HOMER2: variants seen among roughly 807,000 people sequenced by gnomAD.
The protein encoded by HOMER2 is homer protein homolog 2.
HOMER2 carries 27 observed loss-of-function variants against 47.0 expected under a neutral mutation model. That is an observed-to-expected ratio of 0.57 (90% CI 0.42 to 0.79). HOMER2 has a LOEUF of 0.79. HOMER2 is among the 30% of genes least tolerant of loss of function. HOMER2 has a pLI of 0.00. For synonymous variants in HOMER2, 161 were observed against 163.8 expected, an observed-to-expected ratio of 0.98 and a Z score of 0.13; for missense variants, 443 against 435.0, an observed-to-expected ratio of 1.02 and a Z score of -0.16.
chr15:82,979,799 G>A (rs2030329509), intron 1 of HOMER2, among the ~76,000 whole-genome samples: 1 of 152,172 alleles, frequency 6.6e-6, no homozygotes, highest in African/African-American at 2.4e-5. Flanking sequence ...AACAGGTTCA[G>A]GAAGAAAGAT....
intron 1 of HOMER2, among the ~76,000 whole-genome samples, chr15:82,976,715 T>G (rs985673691): frequency 6.6e-6 from 1 of 151,166 alleles, no homozygotes; most frequent in African/African-American, 2.4e-5. Context: ...GTTTTGCTCT[T>G]GTTGCCCAGG....
chr15:82,896,957 A>G (rs1402106262), intron 1 of HOMER2, among the ~76,000 whole-genome samples: 1 of 152,046 alleles, frequency 6.6e-6, no homozygotes, highest in African/African-American at 2.4e-5. Context: ...AACTGCAACA[A>G]TCCTACAGGG....
At chr15:82,924,313 A>C (rs1204773000) in intron 1 of HOMER2, among the ~76,000 whole-genome samples, 1 of 149,288 alleles carries the variant, frequency 6.7e-6, no homozygotes, top group African/African-American at 2.5e-5. Context: ...TAGTAAAATG[A>C]GGCTGCCAGC....
intron 1 of HOMER2, among the ~76,000 whole-genome samples, chr15:82,927,973 C>CAAAAAAAAAAAA (rs928406358): frequency 3.5e-5 from 2 of 57,328 alleles, no homozygotes; most frequent in Admixed American, 2.0e-4. Context: ...AACTCCGTCT[C>CAAAAAAAAAAAA]AAAAAAAAAA....
intron 1 of HOMER2, among the ~76,000 whole-genome samples, chr15:82,931,656 G>T (rs2151196856): frequency 6.6e-6 from 1 of 151,902 alleles, no homozygotes; most frequent in African/African-American, 2.4e-5. Flanking sequence ...GGCTAACACG[G>T]TGAAACCCCG....
chr15:82,945,963 C>G (rs1289411042), intron 1 of HOMER2, among the ~76,000 whole-genome samples: 1 of 151,426 alleles, frequency 6.6e-6, no homozygotes, highest in African/African-American at 2.4e-5. Context: ...GAGTGAGACT[C>G]TGTCTCAAAA....
intron 4 of HOMER2, among the ~76,000 whole-genome samples, chr15:82,863,545 A>G (rs2051862497): frequency 6.6e-6 from 1 of 152,114 alleles, no homozygotes; most frequent in African/African-American, 2.4e-5. Context: ...TCTCTCCTGA[A>G]GTCTCCCTTT....
intron 1 of HOMER2, among the ~76,000 whole-genome samples, chr15:82,924,037 AAG>A (rs2053798274): frequency 6.6e-6 from 1 of 152,182 alleles, no homozygotes; most frequent in African/African-American, 2.4e-5. Flanking sequence ...GAGACAGAGA[AAG>A]AGAGAACAAG....
At chr15:82,948,252 G>A (rs866193615) in intron 1 of HOMER2, among the ~76,000 whole-genome samples, 32 of 152,156 alleles carry the variant, frequency 2.1e-4, no homozygotes, top group Non-Finnish European at 3.5e-4. Context: ...TTAGCTGGGC[G>A]TGGTGGCGGG....
At chr15:82,955,171 C>CTTTTTTTTTTTTTTTTT (rs537098552), upstream of HOMER2, among the ~76,000 whole-genome samples, 3 of 133,806 alleles carry the variant, frequency 2.2e-5, no homozygotes, top group Non-Finnish European at 3.2e-5. Flanking sequence ...TTTTCTTTTT[C>CTTTTTTTTTTTTTTTTT]TTTTTTTTTT....
At chr15:82,877,179 G>A (rs745580400) in intron 2 of HOMER2, among the ~76,000 whole-genome samples, 3 of 151,974 alleles carry the variant, frequency 2.0e-5, no homozygotes, top group Non-Finnish European at 2.9e-5. Context: ...TTGTTTGTTT[G>A]ATTTTTTTGA....
intron 1 of HOMER2, among the ~76,000 whole-genome samples, chr15:82,967,943 G>C (rs532953740): frequency 1.4e-4 from 21 of 151,906 alleles, no homozygotes; most frequent in Admixed American, 2.0e-4. Context: ...TGCACAGGCA[G>C]GCCATTTAAT....
At chr15:82,965,732 G>A (rs1046300025) in intron 1 of HOMER2, among the ~76,000 whole-genome samples, 4 of 151,750 alleles carry the variant, frequency 2.6e-5, no homozygotes, top group African/African-American at 7.3e-5. Flanking sequence ...GCAGCAGAGT[G>A]CATTGGCTCC....
intron 1 of HOMER2, among the ~76,000 whole-genome samples, chr15:82,930,529 G>C (rs2053980541): frequency 6.6e-6 from 1 of 152,190 alleles, no homozygotes; most frequent in Non-Finnish European, 1.5e-5. Flanking sequence ...CCTTTTCCCT[G>C]CACAGATTCT....
At chr15:82,841,101 TA>T (rs2051171689) in exon 2 of HOMER2, 1 of 152,174 alleles carries the variant, frequency 6.6e-6, no homozygotes, top group Non-Finnish European at 1.5e-5. Context: ...TTAAAGCTCT[TA>T]TTTTTATTAT....
At chr15:82,842,802 T>G (rs539781306) in exon 2 of HOMER2, 1 of 152,094 alleles carries the variant, frequency 6.6e-6, no homozygotes. Flanking sequence ...ACTAGGTGTA[T>G]GGCAAAAATG....
chr15:82,963,278 T>C (rs182685666), intron 1 of HOMER2, among the ~76,000 whole-genome samples: 4 of 151,898 alleles, frequency 2.6e-5, no homozygotes, highest in African/African-American at 9.7e-5. Context: ...TTTGTAGATA[T>C]GGGATCTCCC....
chr15:82,968,935 G>A (rs1293012944), intron 1 of HOMER2, among the ~76,000 whole-genome samples: 2 of 152,206 alleles, frequency 1.3e-5, no homozygotes, highest in Non-Finnish European at 2.9e-5. Context: ...TGGGGGATTG[G>A]CTAGCAGATG....
intron 1 of HOMER2, among the ~76,000 whole-genome samples, chr15:82,940,216 A>AT (rs2151216188): frequency 6.6e-6 from 1 of 152,126 alleles, no homozygotes; most frequent in African/African-American, 2.4e-5. Flanking sequence ...TTAAAGTATA[A>AT]TAAAAAAAAG....
Sources: allele counts gnomAD v4.1 joint callset (sites outside exome capture counted in the v4.1 genomes callset), GRCh38; gene constraint gnomAD v4.1.1; transcripts MANE v1.5; gene names NCBI Gene and HGNC (gene_info 2026-07-23, HGNC 2026-07-21).